L3MBTL4: variants seen among roughly 807,000 people sequenced by gnomAD.
The protein encoded by L3MBTL4 is lethal(3)malignant brain tumor-like protein 4.
In L3MBTL4, 70 loss-of-function variants were observed where a neutral mutation model predicts 84.5. The ratio of observed to expected loss-of-function variants is 0.83; its 90% CI spans 0.68 to 1.01. The LOEUF (loss-of-function observed/expected upper bound fraction) is 1.01, where lower values mean the gene tolerates loss of function less well. Ranked by LOEUF, L3MBTL4 falls within the 50% of genes least tolerant of loss-of-function variation. The pLI is 0.00. For missense variants in L3MBTL4, 715 were observed against 754.8 expected, an observed-to-expected ratio of 0.95 and a Z score of 0.62; for synonymous variants, 274 against 259.8, an observed-to-expected ratio of 1.05 and a Z score of -0.52.
chr18:6,375,227 C>T (rs981144884), intron 1 of L3MBTL4, among the ~76,000 whole-genome samples: 24 of 152,004 alleles, frequency 1.6e-4, no homozygotes, highest in African/African-American at 5.6e-4. Context: ...CATATGTGGA[C>T]CTAAAATGCC....
chr18:6,056,670 A>G (rs565396889), intron 16 of L3MBTL4, among the ~76,000 whole-genome samples: 2 of 152,168 alleles, frequency 1.3e-5, no homozygotes, highest in South Asian at 4.2e-4. Flanking sequence ...CAGGTCTCCA[A>G]CCCCACTTCT....
intron 13 of L3MBTL4, among the ~76,000 whole-genome samples, chr18:6,142,318 C>A (rs971333615): frequency 2.6e-5 from 4 of 152,164 alleles, no homozygotes; most frequent in Non-Finnish European, 5.9e-5. Flanking sequence ...GAGAGACACT[C>A]ATAGTCCAGA....
chr18:5,996,404 G>C (rs921817980), intron 16 of L3MBTL4, among the ~76,000 whole-genome samples: 2 of 152,220 alleles, frequency 1.3e-5, no homozygotes, highest in Non-Finnish European at 2.9e-5. Context: ...GTAAAATGGA[G>C]CGCTGGCAGT....
At chr18:6,244,024 T>A (rs1426294159) in intron 6 of L3MBTL4, among the ~76,000 whole-genome samples, 1 of 152,222 alleles carries the variant, frequency 6.6e-6, no homozygotes, top group Non-Finnish European at 1.5e-5. Flanking sequence ...GATTTAATAA[T>A]ATATTTAGTA....
At chr18:6,070,546 A>C (rs1296541189) in intron 16 of L3MBTL4, among the ~76,000 whole-genome samples, 8 of 142,036 alleles carry the variant, frequency 5.6e-5, no homozygotes, top group Admixed American at 1.4e-4. Flanking sequence ...GGCCAAGCGC[A>C]GTGGCTCATG....
intron 16 of L3MBTL4, among the ~76,000 whole-genome samples, chr18:6,001,987 G>A (rs1442124303): frequency 6.6e-6 from 1 of 152,098 alleles, no homozygotes; most frequent in Admixed American, 6.6e-5. Flanking sequence ...CCCACAATGA[G>A]ACATACTATA....
intron 16 of L3MBTL4, among the ~76,000 whole-genome samples, chr18:5,986,651 G>C (rs2053475906): frequency 6.6e-6 from 1 of 152,212 alleles, no homozygotes; most frequent in African/African-American, 2.4e-5. Context: ...TTCTGTGCCA[G>C]AGCGAGCCTT....
intron 3 of L3MBTL4, among the ~76,000 whole-genome samples, chr18:6,302,585 G>C (rs1018806906): frequency 6.6e-6 from 1 of 152,322 alleles, no homozygotes; most frequent in Non-Finnish European, 1.5e-5. Context: ...TAGGAAAGTG[G>C]CTTTCTCTTT....
At chr18:6,366,633 G>A (rs1412768706) in intron 1 of L3MBTL4, among the ~76,000 whole-genome samples, 1 of 152,178 alleles carries the variant, frequency 6.6e-6, no homozygotes, top group Non-Finnish European at 1.5e-5. Flanking sequence ...AAGCAAAGCT[G>A]TGGATACAAC....
chr18:6,344,318 A>G (rs1021447836), intron 1 of L3MBTL4, among the ~76,000 whole-genome samples: 1 of 152,212 alleles, frequency 6.6e-6, no homozygotes, highest in Non-Finnish European at 1.5e-5. Flanking sequence ...AAGTTCCTAG[A>G]AATATACAAT....
chr18:6,139,945 C>G (rs754310851), intron 13 of L3MBTL4, among the ~76,000 whole-genome samples: 1 of 152,144 alleles, frequency 6.6e-6, no homozygotes, highest in Non-Finnish European at 1.5e-5. Flanking sequence ...TCTGTCCCAA[C>G]TCTGGCAAAT....
chr18:6,377,817 T>C (rs2054432957), intron 1 of L3MBTL4, among the ~76,000 whole-genome samples: 1 of 152,252 alleles, frequency 6.6e-6, no homozygotes. Flanking sequence ...GAATGATTTA[T>C]GATCCTTTGA....
At chr18:6,391,115 C>T (rs2055032078) in intron 1 of L3MBTL4, among the ~76,000 whole-genome samples, 1 of 152,124 alleles carries the variant, frequency 6.6e-6, no homozygotes, top group Non-Finnish European at 1.5e-5. Flanking sequence ...AATCCAACAG[C>T]ACATCAAAAG....
At chr18:6,237,882 C>G in intron 10 of L3MBTL4, 82 bp downstream of exon 10, 1 of 997,872 alleles carries the variant, frequency 1.0e-6, no homozygotes, top group East Asian at 2.4e-5. Context: ...GTATTAAAAT[C>G]TGGTCTTCAT....
intron 5 of L3MBTL4, among the ~76,000 whole-genome samples, chr18:6,248,776 C>T (rs890109737): frequency 2.6e-5 from 4 of 152,208 alleles, no homozygotes; most frequent in Non-Finnish European, 5.9e-5. Flanking sequence ...ATTACACGTA[C>T]TCTTTTTCAC....
intron 15 of L3MBTL4, among the ~76,000 whole-genome samples, chr18:6,092,001 T>C (rs1009478798): frequency 2.0e-5 from 3 of 151,928 alleles, no homozygotes; most frequent in African/African-American, 4.8e-5. Flanking sequence ...TTGTAAACAG[T>C]GTGGGTGTGA....
intron 11 of L3MBTL4, among the ~76,000 whole-genome samples, chr18:6,214,821 T>C (rs750049371): frequency 6.6e-5 from 10 of 152,192 alleles, no homozygotes; most frequent in African/African-American, 1.9e-4. Context: ...AGCTTGGAAG[T>C]TGCCTTCTTA....
At chr18:6,109,030 T>C (rs551622889) in intron 14 of L3MBTL4, among the ~76,000 whole-genome samples, 7 of 152,156 alleles carry the variant, frequency 4.6e-5, no homozygotes, top group Admixed American at 2.6e-4. Context: ...AATGGCTGAA[T>C]TGAGACTTTC....
chr18:6,041,953 C>G (rs2056421992), intron 16 of L3MBTL4, among the ~76,000 whole-genome samples: 1 of 152,018 alleles, frequency 6.6e-6, no homozygotes, highest in African/African-American at 2.4e-5. Flanking sequence ...GAACTCTTGG[C>G]TTCAAGTGAT....
Sources: allele counts gnomAD v4.1 joint callset (sites outside exome capture counted in the v4.1 genomes callset), GRCh38; gene constraint gnomAD v4.1.1; transcripts MANE v1.5; gene names NCBI Gene and HGNC (gene_info 2026-07-23, HGNC 2026-07-21).